Variants in SHROOM3 observed in about 807,000 individuals in gnomAD.
SHROOM3 encodes the protein protein Shroom3.
Under a neutral mutation model 138.6 loss-of-function variants are expected in SHROOM3, and 47 were observed. The ratio of observed to expected loss-of-function variants is 0.34; its 90% CI spans 0.27 to 0.43. The LOEUF (loss-of-function observed/expected upper bound fraction) is 0.43. SHROOM3 is among the 20% of genes least tolerant of loss of function. SHROOM3 has a pLI of 1.00. For missense variants in SHROOM3, 2,491 were observed against 2,596.5 expected, an observed-to-expected ratio of 0.96 and a Z score of 0.88; for synonymous variants, 1,062 against 1,063.3, an observed-to-expected ratio of 1.00 and a Z score of 0.02.
In SHROOM3 at chr4:76,754,771, C is replaced by T. The variant is rs2110143782; in HGVS notation, c.4288C>T (p.Arg1430Ter). The T allele has an allele frequency of 6.2e-7, 1 of 1,614,178 alleles. No individual in the cohort carries two copies. The highest frequency in any genetic ancestry group is 8.5e-7 in the Non-Finnish European group (1 of 1,180,012). Residue 1430 changes from arginine to a stop codon, truncating the protein, a stop_gained, in exon 7 of 11, where the codon CGA becomes TGA. Coordinates refer to ENST00000296043, the MANE Select transcript of SHROOM3 (RefSeq NM_020859.4). LOFTEE classifies it high-confidence loss of function. ...GCTGCCTCAGTGGCCACCTCCTTCT[C>T]GAGCAAAGTGGGCCCACGCAGCCAG... ...VSLPQWPPPS[R>*]AKWAHAARED...
In SHROOM3 at chr4:76,759,459, G is replaced by A. The variant is rs373237911; in HGVS notation, c.5199-86G>A. The A allele has an allele frequency of 4.2e-5, 64 of 1,505,994 alleles. 1 individual carries two copies. The East Asian group carries it at 4.3e-4, about 10-fold the overall frequency. The allele number at this position is 1,505,994 out of a possible 1,614,324, so 93.3% of individuals were successfully genotyped here. On this transcript the variant is annotated intron_variant, in intron 8 of 10. Coordinates refer to ENST00000296043, the MANE Select transcript of SHROOM3 (RefSeq NM_020859.4). ...GAAAGAAATTAAATAGAATTGTTAC[G>A]CACTTCTGAATGGACTGACATCTGC...
intron 1 of SHROOM3, among the ~76,000 whole-genome samples, chr4:76,472,797 C>T (rs545612933): frequency 3.9e-5 from 6 of 152,034 alleles, no homozygotes; most frequent in African/African-American, 1.2e-4. Flanking sequence ...TGGGTTCAAG[C>T]GATTATTCTG....
intron 1 of SHROOM3, among the ~76,000 whole-genome samples, chr4:76,490,891 A>G (rs1731835250): frequency 4.0e-5 from 2 of 50,242 alleles, no homozygotes; most frequent in Non-Finnish European, 1.3e-4. Flanking sequence ...TCACTAGCCC[A>G]TATTACACAA....
chr4:76,587,670 A>G (rs1361628695), intron 2 of SHROOM3, among the ~76,000 whole-genome samples: 1 of 152,236 alleles, frequency 6.6e-6, no homozygotes, highest in Non-Finnish European at 1.5e-5. Context: ...CATTAGTGAC[A>G]TTTAATATAA....
intron 1 of SHROOM3, among the ~76,000 whole-genome samples, chr4:76,547,803 G>C (rs1034862239): frequency 6.6e-6 from 1 of 151,962 alleles, no homozygotes; most frequent in Non-Finnish European, 1.5e-5. Flanking sequence ...GGTAGCGTGC[G>C]CCTATAGTCC....
At position 76,756,532 on chromosome 4, in the gene SHROOM3, CT is replaced by C. The variant is rs1163511672; in HGVS notation, c.4795del (p.Ser1599ProfsTer20). The C allele has an allele frequency of 1.9e-6, 3 of 1,613,596 alleles. No individual in the cohort carries two copies. The highest frequency in any genetic ancestry group is 1.3e-5 in the African/African-American group (1 of 74,746). ...CATGTGGTAGGTAGTCAGACACTGG[CT>C]TCCAGACTCCAAACTTCTATCAAGG... ...AAHVVGSQTL[A>X]SRLQTSIKGS... is the part of the protein sequence containing the mutation. On this transcript the variant is annotated frameshift_variant, in exon 8 of 11. Coordinates refer to ENST00000296043, the MANE Select transcript of SHROOM3 (RefSeq NM_020859.4). LOFTEE classifies it high-confidence loss of function.
chr4:76,489,755 G>A (rs1731810596), intron 1 of SHROOM3, among the ~76,000 whole-genome samples: 2 of 152,118 alleles, frequency 1.3e-5, no homozygotes, highest in Non-Finnish European at 2.9e-5. Flanking sequence ...AAAGACAAAG[G>A]ACCCGTTTAT....
chr4:76,620,089 AAAAAG>A (rs1734968569), intron 2 of SHROOM3, among the ~76,000 whole-genome samples: 2 of 151,282 alleles, frequency 1.3e-5, no homozygotes, highest in South Asian at 4.2e-4. Flanking sequence ...AAAAAAAAAA[AAAAAG>A]AAGAAAAGAA....
At chr4:76,662,433 C>T (rs1718534987) in intron 2 of SHROOM3, among the ~76,000 whole-genome samples, 1 of 152,182 alleles carries the variant, frequency 6.6e-6, no homozygotes, top group South Asian at 2.1e-4. Context: ...ATCTCTCTGC[C>T]TTCCTCTTCT....
Position 76,551,912 on chromosome 4 carries a change from A to T in SHROOM3, c.169-3697A>T, listed in dbSNP as rs553230537. On this transcript the variant is annotated intron_variant, in intron 1 of 10. Transcript: ENST00000296043. ...AGTCTCGCTCTGTCACCCAGGCTGG[A>T]GTGCAGTGGTGCGATCTCGGCTCAC... Among the ~76,000 whole-genome samples, 690 of 151,458 alleles carry T rather than the reference A, an allele frequency of 4.6e-3. 4 individuals carry two copies. Among genetic ancestry groups the T allele is most frequent in the African/African-American group, 0.016 (647 of 41,328 alleles).
chr4:76,587,748 T>C (rs915367962), intron 2 of SHROOM3, among the ~76,000 whole-genome samples: 6 of 152,176 alleles, frequency 3.9e-5, no homozygotes, highest in Non-Finnish European at 8.8e-5. Flanking sequence ...TGAAATATGA[T>C]CATCACACAA....
Position 76,511,100 on chromosome 4 carries a change from T to C in SHROOM3, c.169-44509T>C, listed in dbSNP as rs565912983. ...GGGAGGCTGAGGCAGGAGAATCGCT[T>C]GAACCTGGGAGGTGGAGGTTGCAGT... On this transcript the variant is annotated intron_variant, in intron 1 of 10. Coordinates refer to ENST00000296043, the MANE Select transcript of SHROOM3 (RefSeq NM_020859.4). 5.3e-5 allele frequency among the ~76,000 whole-genome samples: 8 copies of C among 152,032 alleles called. No individual in the cohort carries two copies. In the South Asian group the frequency reaches 1.7e-3, roughly 32 times the overall value.
At chr4:76,460,493 A>G (rs927271834) in intron 1 of SHROOM3, among the ~76,000 whole-genome samples, 3 of 152,186 alleles carry the variant, frequency 2.0e-5, no homozygotes, top group Non-Finnish European at 2.9e-5. Flanking sequence ...TGGCAAAACA[A>G]AATGCCGCAG....
rs981259058 is a variant in SHROOM3 at position 76,556,091 on chromosome 4, C to G, written c.323+328C>G. 2.0e-5 allele frequency among the ~76,000 whole-genome samples: 3 copies of G among 152,148 alleles called. No individual in the cohort carries two copies. The East Asian group carries it at 5.8e-4, about 29-fold the overall frequency. On this transcript the variant is annotated intron_variant, in intron 2 of 10. Transcript: ENST00000296043. ...CAGATGCGGTCAGAGCTCTAATAAGCTTTTTGTCTGGTGGGACTAGAGAAA... is the reference window on the plus strand; with the variant it reads ...CAGATGCGGTCAGAGCTCTAATAAGGTTTTTGTCTGGTGGGACTAGAGAAA...
At chr4:76,585,598 T>C (rs1734136944) in intron 2 of SHROOM3, among the ~76,000 whole-genome samples, 2 of 152,222 alleles carry the variant, frequency 1.3e-5, no homozygotes, top group Admixed American at 1.3e-4. Flanking sequence ...AAACCTGTTA[T>C]GATTTCATCT....
intron 1 of SHROOM3, 103 bp from the exon 2 acceptor site, chr4:76,555,506 C>G (rs765351616): frequency 6.5e-7 from 1 of 1,544,726 alleles, no homozygotes; most frequent in Non-Finnish European, 8.8e-7. Context: ...CCTAGCTGGT[C>G]CGTTGGGCTC....
intron 2 of SHROOM3, among the ~76,000 whole-genome samples, chr4:76,618,437 C>A (rs1734929504): frequency 6.6e-6 from 1 of 152,138 alleles, no homozygotes; most frequent in Non-Finnish European, 1.5e-5. Flanking sequence ...CCCTGCTTAC[C>A]AATAATACAG....
Position 76,635,600 on chromosome 4 carries a change from C to T in SHROOM3, c.324-74556C>T, listed in dbSNP as rs114282093. Among the ~76,000 whole-genome samples, 1,060 of 152,288 alleles carry T rather than the reference C, an allele frequency of 7.0e-3. 12 individuals carry two copies. Among genetic ancestry groups the T allele is most frequent in the African/African-American group, 0.024 (989 of 41,558 alleles). On this transcript the variant is annotated intron_variant, in intron 2 of 10. Coordinates refer to ENST00000296043, the MANE Select transcript of SHROOM3 (RefSeq NM_020859.4). ...CAAAGAAATTCTGTCCTGCCTAAAT[C>T]AGGTCTGAAAGGCCTCTGGAGAAAT... is the stretch of plus-strand genomic sequence containing the variant.
chr4:76,707,870 C>T (rs1720103323), intron 2 of SHROOM3, among the ~76,000 whole-genome samples: 1 of 151,732 alleles, frequency 6.6e-6, no homozygotes, highest in South Asian at 2.1e-4. Flanking sequence ...GAAAGGTGTG[C>T]TTGGTGTGCT....
Sources: gnomAD v4.1 joint callset for allele counts (sites outside exome capture counted in the v4.1 genomes callset) on GRCh38, gnomAD v4.1.1 for gene constraint, MANE v1.5 for transcripts, NCBI Gene and HGNC (gene_info 2026-07-23, HGNC 2026-07-21) for gene names.